The following HLTF variants were observed in gnomAD, a reference collection of about 807,000 sequenced individuals.
The protein encoded by HLTF is DNA-dependent ATPase/E3 ubiquitin-protein ligase HLTF.
HLTF carries 127 observed loss-of-function variants against 129.4 expected under a neutral mutation model. The ratio of observed to expected loss-of-function variants is 0.98; its 90% CI spans 0.85 to 1.14. The LOEUF (loss-of-function observed/expected upper bound fraction) is 1.14. HLTF is among the 50% of genes most tolerant of loss of function. The pLI is 0.00. For missense variants in HLTF, 1,139 were observed against 1,187.1 expected (o/e 0.96, Z 0.60); for synonymous variants, 332 against 388.8 (o/e 0.85, Z 1.72).
chr3:149,081,265 TAA>T (rs62889662), intron 2 of HLTF, among the ~76,000 whole-genome samples: 12 of 129,870 alleles, frequency 9.2e-5, no homozygotes, highest in Non-Finnish European at 1.2e-4. Flanking sequence ...GAAAACACAC[TAA>T]AAAAAAAAAA....
chr3:149,068,384 C>A (rs2108037442), intron 7 of HLTF, 49 bp from the exon 8 acceptor site: 2 of 849,658 alleles, frequency 2.4e-6, no homozygotes, highest in South Asian at 1.7e-5. Flanking sequence ...AAACCCAGTT[C>A]ACCAGAAAAA....
In HLTF at chr3:149,035,096, G is replaced by T; in HGVS notation, c.2797-98C>A. 3 of 923,066 alleles carry T rather than the reference G, an allele frequency of 3.3e-6. No individual in the cohort carries two copies. In the South Asian group the frequency reaches 4.2e-5, roughly 13 times the overall value. The allele number at this position is 923,066 out of a possible 1,614,324, so 57.2% of individuals were successfully genotyped here. Reference sequence around the variant, plus strand: ...CACTAGTATTCATTCATCTTTTTCTGACTGAAAGTTTTCTGCCTGAAGTCA... The same window carrying T: ...CACTAGTATTCATTCATCTTTTTCTTACTGAAAGTTTTCTGCCTGAAGTCA... On this transcript the variant is annotated intron_variant, in intron 23 of 24. Coordinates refer to ENST00000310053, the MANE Select transcript of HLTF (RefSeq NM_003071.4).
In HLTF at chr3:149,057,107, C is replaced by CAAA. The variant is rs56809507; in HGVS notation, c.1376-1710_1376-1708dup. 3.6e-4 allele frequency among the ~76,000 whole-genome samples: 10 copies of CAAA among 27,744 alleles called. 1 individual carries two copies. Among genetic ancestry groups the CAAA allele is most frequent in the East Asian group, 1.3e-3 (1 of 746 alleles). 18.2% of individuals were successfully genotyped at this position (27,744 alleles called of 152,430 possible). On this transcript the variant is annotated intron_variant, in intron 13 of 24. Transcript: ENST00000310053. Reference sequence around the variant, plus strand: ...CCTGGGCGACAGCGAGACTCCGTCTCAAAAAAAAAAAAAAAAAAAAAAAAA... The same window carrying CAAA: ...CCTGGGCGACAGCGAGACTCCGTCTCAAAAAAAAAAAAAAAAAAAAAAAAAAAA...
At chr3:149,053,277 G>A (rs1250479738) in intron 14 of HLTF, among the ~76,000 whole-genome samples, 1 of 152,220 alleles carries the variant, frequency 6.6e-6, no homozygotes, top group Non-Finnish European at 1.5e-5. Context: ...CCTGGAGGTG[G>A]AAGGTGTATG....
At chr3:149,051,015 C>A (rs1716935512) in intron 14 of HLTF, among the ~76,000 whole-genome samples, 1 of 151,964 alleles carries the variant, frequency 6.6e-6, no homozygotes, top group Non-Finnish European at 1.5e-5. Flanking sequence ...CAGGGAGACA[C>A]AGCTGGGAAG....
chr3:149,069,472 G>GAAAAA (rs36037300), intron 7 of HLTF, among the ~76,000 whole-genome samples: 3 of 122,666 alleles, frequency 2.4e-5, no homozygotes, highest in East Asian at 2.5e-4. Flanking sequence ...TCCATCTCAA[G>GAAAAA]AAAAAAAAAA....
chr3:149,032,503 A>G (rs1259327013), intron 24 of HLTF, 131 bp from the exon 25 acceptor site: 3 of 534,560 alleles, frequency 5.6e-6, no homozygotes, highest in Non-Finnish European at 9.4e-6. Context: ...TATAATAACT[A>G]TTTAATAGAA....
chr3:149,066,983 G>A (rs1718431241), intron 8 of HLTF, among the ~76,000 whole-genome samples: 1 of 152,012 alleles, frequency 6.6e-6, no homozygotes, highest in Non-Finnish European at 1.5e-5. Flanking sequence ...AAACTAGGAA[G>A]AATGGTAATT....
At chr3:149,052,497 A>G (rs985258815) in intron 14 of HLTF, among the ~76,000 whole-genome samples, 8 of 152,178 alleles carry the variant, frequency 5.3e-5, no homozygotes, top group African/African-American at 1.9e-4. Flanking sequence ...CTTACAAAAT[A>G]AGACATAACA....
chr3:149,060,945 A>C, intron 10 of HLTF, 87 bp from the exon 11 acceptor site: 3 of 891,938 alleles, frequency 3.4e-6, no homozygotes, highest in Non-Finnish European at 5.2e-6. Flanking sequence ...GCAATAAAAA[A>C]CTTTTGTCCT....
chr3:149,045,350 C>G (rs1716455091), intron 18 of HLTF, among the ~76,000 whole-genome samples: 1 of 152,098 alleles, frequency 6.6e-6, no homozygotes, highest in East Asian at 1.9e-4. Flanking sequence ...TGCTTTATTC[C>G]TTAAAACTTA....
In HLTF at chr3:149,071,663, A is replaced by G. The variant is rs773997380; in HGVS notation, c.628-6T>C. On this transcript the variant is annotated splice_polypyrimidine_tract_variant and splice_region_variant and intron_variant, in intron 5 of 24. Coordinates refer to ENST00000310053, the MANE Select transcript of HLTF (RefSeq NM_003071.4). ...TTGTCAAATTCTGTTTTAAGCTACA[A>G]TAAACAGCAACAAGAAACAATGTAA... The G allele has an allele frequency of 7.5e-6, 11 of 1,474,836 alleles. No homozygotes were observed. Among genetic ancestry groups the G allele is most frequent in the Non-Finnish European group, 9.4e-6 (10 of 1,064,644 alleles). 91.4% of individuals were successfully genotyped at this position (1,474,836 alleles called of 1,614,324 possible). A position where few individuals can be genotyped will look rare whatever the true frequency, so the allele number is the denominator to read the frequency against.
At chr3:149,059,306 T>C (rs1717722542) in intron 13 of HLTF, 3 of 334,920 alleles carry the variant, frequency 9.0e-6, no homozygotes, top group Non-Finnish European at 1.7e-5. Flanking sequence ...GTTGTTTTCC[T>C]ATGAATTACA....
chr3:149,046,228 G>T lies in HLTF; in HGVS notation c.1924C>A (p.Leu642Ile). The T allele has an allele frequency of 6.3e-7, 1 of 1,590,032 alleles. No individual in the cohort carries two copies. Among genetic ancestry groups the T allele is most frequent in the Non-Finnish European group, 8.6e-7 (1 of 1,163,908 alleles). The change falls in exon 18 of 25, where the codon CTT (leucine) becomes ATT (isoleucine). Residue 642 changes from leucine (L) to isoleucine (I), a missense_variant. Transcript: ENST00000310053. ...ATTTTGCTTGTCTTTGTTCTTCTAA[G>T]TGTAATATTTTTAATTAGGGACTGT... is the stretch of plus-strand genomic sequence containing the variant. Reference protein sequence around the residue: ...RLQSLIKNITLRRTKTSKIKG... With the variant: ...RLQSLIKNITIRRTKTSKIKG...
At chr3:149,052,341 G>A (rs1717070925) in intron 14 of HLTF, among the ~76,000 whole-genome samples, 1 of 151,826 alleles carries the variant, frequency 6.6e-6, no homozygotes, top group African/African-American at 2.4e-5. Context: ...CCAGAACAAA[G>A]ACAGAGAAAA....
Position 149,060,638 on chromosome 3 carries a change from C to T in HLTF, c.1285+5G>A, listed in dbSNP as rs1265114283. On this transcript the variant is annotated splice_donor_5th_base_variant and intron_variant, in intron 12 of 24. Transcript: ENST00000310053. ...CTAGATTATGGGTATATAGTATACA[C>T]ATACCTTTCGCCCTGCCTTTAGTTT... The T allele has an allele frequency of 1.2e-6, 2 of 1,602,902 alleles. No homozygotes were observed. The highest frequency in any genetic ancestry group is 1.7e-5 in the Admixed American group (1 of 59,960).
At chr3:149,041,747 TC>T (rs1298436085) in intron 19 of HLTF, 79 bp from the exon 20 acceptor site, 6 of 997,796 alleles carry the variant, frequency 6.0e-6, no homozygotes, top group Admixed American at 2.3e-5. Context: ...AGGAAAAGTT[TC>T]GCTTGCCAGT....
intron 16 of HLTF, 122 bp from the exon 17 acceptor site, chr3:149,048,285 CAATT>C: frequency 1.7e-6 from 1 of 571,582 alleles, no homozygotes; most frequent in Non-Finnish European, 2.9e-6. Context: ...TCATCATTAT[CAATT>C]AAATTAAACT....
At chr3:149,043,524 A>G (rs58937189) in intron 18 of HLTF, among the ~76,000 whole-genome samples, 58,016 of 146,272 alleles carry the variant, frequency 0.4, 12,808 homozygotes, top group African/African-American at 0.61. Context: ...AAAGTCAACA[A>G]AGAAGTTGCT....
Sources: allele counts gnomAD v4.1 joint callset (sites outside exome capture counted in the v4.1 genomes callset), GRCh38; gene constraint gnomAD v4.1.1; transcripts MANE v1.5; gene names NCBI Gene and HGNC (gene_info 2026-07-23, HGNC 2026-07-21).